The following RRP12 variants were observed in gnomAD, a reference collection of about 807,000 sequenced individuals.
The protein encoded by RRP12 is RRP12-like protein.
A neutral mutation model predicts 157.3 loss-of-function variants in RRP12; 78 were observed. The ratio of observed to expected loss-of-function variants is 0.50; its 90% confidence interval spans 0.41 to 0.60. The LOEUF is 0.60. Ranked by LOEUF, RRP12 falls within the 20% of genes least tolerant of loss-of-function variation. RRP12 has a pLI of 0.00. For synonymous variants in RRP12, 726 were observed against 670.9 expected, an observed-to-expected ratio of 1.08 and a Z score of -1.27; for missense variants, 1,521 against 1,679.9, an observed-to-expected ratio of 0.91 and a Z score of 1.65.
Position 97,388,630 on chromosome 10 carries a change from G to A in RRP12, c.754-6C>T. On this transcript the variant is annotated splice_region_variant and splice_polypyrimidine_tract_variant and intron_variant, in intron 6 of 33. Transcript: ENST00000370992. The stretch of plus-strand genomic sequence containing the variant: ...TGCTGGGCAGCCTTCCGGATCTGAG[G>A]GGCAAGGAGAGCAGGAGACAAGGCC... The A allele has an allele frequency of 6.2e-7, 1 of 1,613,584 alleles. No homozygotes were observed. The highest frequency in any genetic ancestry group is 8.5e-7 in the Non-Finnish European group (1 of 1,179,580).
intron 25 of RRP12, among the ~76,000 whole-genome samples, chr10:97,368,603 CT>C (rs1417295774): frequency 6.6e-6 from 1 of 152,220 alleles, no homozygotes; most frequent in African/African-American, 2.4e-5. Flanking sequence ...AGTGATCTGC[CT>C]GCCTTGGCCT....
intron 24 of RRP12, 98 bp downstream of exon 24, chr10:97,370,069 G>C (rs757560006): frequency 1.0e-4 from 86 of 821,488 alleles, no homozygotes; most frequent in Non-Finnish European, 1.5e-4. Flanking sequence ...ACTTCCTCCA[G>C]GCACCTTTTC....
At chr10:97,380,563 C>G (rs1171736150) in intron 13 of RRP12, among the ~76,000 whole-genome samples, 1 of 152,192 alleles carries the variant, frequency 6.6e-6, no homozygotes, top group African/African-American at 2.4e-5. Flanking sequence ...AGTTTCAAAA[C>G]CAGTAACTCC....
chr10:97,372,160 A>G lies in RRP12; in HGVS notation c.2256T>C (p.Ser752=), dbSNP rs1844175190. Residue 752 remains serine (S), a synonymous_variant, in exon 20 of 34, where the codon TCT becomes TCC. Transcript: ENST00000370992. ...DPASSDFTRL[S]VLDLVVALAP... ...CCAAGGCCACGACCAGGTCCAGGAC[A>G]GACAATCTGCTCGGGGCAGGAGGAC... 6.2e-7 allele frequency: 1 copy of G among 1,612,814 alleles called. No individual in the cohort carries two copies. Among genetic ancestry groups the G allele is most frequent in the Non-Finnish European group, 8.5e-7 (1 of 1,179,330 alleles).
intron 25 of RRP12, 105 bp from the exon 26 acceptor site, chr10:97,367,237 G>T: frequency 1.0e-6 from 1 of 985,338 alleles, no homozygotes; most frequent in Non-Finnish European, 1.6e-6. Flanking sequence ...CCAGCTGAGG[G>T]GAGGGTTAGC....
intron 2 of RRP12, 90 bp downstream of exon 2, chr10:97,400,215 G>A (rs1359730820): frequency 2.2e-6 from 2 of 919,724 alleles, no homozygotes; most frequent in East Asian, 2.4e-5. Flanking sequence ...ACCAGCTGTT[G>A]TCATCGGAGA....
intron 8 of RRP12, among the ~76,000 whole-genome samples, chr10:97,386,611 T>G (rs1420933494): frequency 6.6e-6 from 1 of 152,230 alleles, no homozygotes; most frequent in Non-Finnish European, 1.5e-5. Context: ...CTTTATACAC[T>G]TCTGAATTGT....
chr10:97,362,433 C>G (rs1843869396), intron 30 of RRP12, among the ~76,000 whole-genome samples: 1 of 152,212 alleles, frequency 6.6e-6, no homozygotes, highest in Non-Finnish European at 1.5e-5. Context: ...GCTTACTTTG[C>G]ATCACTAAGT....
At chr10:97,363,526 T>C (rs1233353058) in intron 30 of RRP12, among the ~76,000 whole-genome samples, 1 of 152,198 alleles carries the variant, frequency 6.6e-6, no homozygotes, top group African/African-American at 2.4e-5. Context: ...AGCACAGTGC[T>C]GGGCACACAG....
chr10:97,361,353 C>A (rs145797467), intron 30 of RRP12, among the ~76,000 whole-genome samples: 1 of 152,332 alleles, frequency 6.6e-6, no homozygotes, highest in Admixed American at 6.5e-5. Context: ...AACCAACAAC[C>A]AGGCCAGGCA....
At chr10:97,381,997 G>GTA (rs1564761714) in intron 10 of RRP12, among the ~76,000 whole-genome samples, 171 bp from the exon 11 acceptor site, 2 of 152,202 alleles carry the variant, frequency 1.3e-5, no homozygotes, top group Non-Finnish European at 2.9e-5. Context: ...TATCGTTCAA[G>GTA]TAATAACTAC....
rs80089471 is a variant in RRP12 at position 97,362,373 on chromosome 10, C to G, written c.3567+1481G>C. Among the ~76,000 whole-genome samples, 1,245 of 152,276 alleles carry G rather than the reference C, an allele frequency of 8.2e-3. 18 individuals are homozygous for G. The highest frequency in any genetic ancestry group is 0.028 in the African/African-American group (1,163 of 41,544). Reference sequence around the variant, plus strand: ...AGATGTGCTTAAGGAACCCAGGAGGCTTTGAATGGAAAAAGATTTCCAGGA... The same window carrying G: ...AGATGTGCTTAAGGAACCCAGGAGGGTTTGAATGGAAAAAGATTTCCAGGA... On this transcript the variant is annotated intron_variant, in intron 30 of 33. Transcript: ENST00000370992.
In RRP12 at chr10:97,372,086, C is replaced by T. The variant is rs767537439; in HGVS notation, c.2330G>A (p.Arg777Gln). 1.2e-5 allele frequency: 20 copies of T among 1,612,840 alleles called. No homozygotes were observed. Among genetic ancestry groups the T allele is most frequent in the East Asian group, 6.7e-5 (3 of 44,882 alleles). Residue 777 changes from arginine to glutamine, a missense_variant, in exon 20 of 34, where the codon CGG becomes CAG. Coordinates refer to ENST00000370992, the MANE Select transcript of RRP12 (RefSeq NM_015179.4). ...AAISKLYSTI[R>Q]PYLESKAHGV... ...CCCGAGGCTCACCTCTAGGTAGGGC[C>T]GGATGGTGGAGTATAGCTTACTGAT...
chr10:97,379,309 G>A lies in RRP12; in HGVS notation c.1782C>T (p.Asn594=). ...CTCTCCTACCTTTGCTCTTCAGGGTGTTAGCCAGGGGCAAGAAGTAGGTGG... is the reference window on the plus strand; with the variant it reads ...CTCTCCTACCTTTGCTCTTCAGGGTATTAGCCAGGGGCAAGAAGTAGGTGG... The part of the protein sequence containing the change: ...FFTTYFLPLA[N]TLKSKAMDLA... Residue 594 remains asparagine, a synonymous_variant, in exon 15 of 34, where the codon AAC becomes AAT. Transcript: ENST00000370992. The A allele has an allele frequency of 6.2e-7, 1 of 1,614,084 alleles. No homozygotes were observed. The highest frequency in any genetic ancestry group is 1.3e-5 in the African/African-American group (1 of 75,062).
chr10:97,364,486 AGGAG>A (rs1476240431), intron 29 of RRP12, among the ~76,000 whole-genome samples: 1 of 152,190 alleles, frequency 6.6e-6, no homozygotes, highest in Non-Finnish European at 1.5e-5. Flanking sequence ...TGGGAGGCCG[AGGAG>A]GGAGGATCAC....
chr10:97,400,961 C>A, intron 1 of RRP12, 132 bp downstream of exon 1: 1 of 1,145,288 alleles, frequency 8.7e-7, no homozygotes, highest in Non-Finnish European at 1.2e-6. Flanking sequence ...AGAGAGGGCT[C>A]CAGATCCGAC....
chr10:97,390,735 TAA>T lies in RRP12; in HGVS notation c.636+2_636+3del. 6.3e-7 allele frequency: 1 copy of T among 1,597,456 alleles called. No individual in the cohort carries two copies. Among genetic ancestry groups the T allele is most frequent in the Non-Finnish European group, 8.6e-7 (1 of 1,164,864 alleles). ...AGATGAGAAACTAAACCCCAGACAC[TAA>T]CCCATCGGAGGACAGAGGTGGAGCC... On this transcript the variant is annotated splice_donor_variant and splice_donor_region_variant and intron_variant, in intron 5 of 33. Coordinates refer to ENST00000370992, the MANE Select transcript of RRP12 (RefSeq NM_015179.4). LOFTEE classifies it high-confidence loss of function.
chr10:97,376,554 C>A (rs1379733959), intron 15 of RRP12, among the ~76,000 whole-genome samples: 1 of 152,094 alleles, frequency 6.6e-6, no homozygotes, highest in Non-Finnish European at 1.5e-5. Flanking sequence ...TCTACAAGAT[C>A]ATGTGTGAAA....
chr10:97,366,696 T>A (rs200271269), intron 27 of RRP12, 46 bp downstream of exon 27: 10 of 1,601,786 alleles, frequency 6.2e-6, no homozygotes, highest in Non-Finnish European at 8.5e-6. Context: ...GGGCAGGCCC[T>A]TGGGTTGGGG....
Sources: allele counts gnomAD v4.1 joint callset (sites outside exome capture counted in the v4.1 genomes callset), GRCh38; gene constraint gnomAD v4.1.1; transcripts MANE v1.5; gene names NCBI Gene and HGNC (gene_info 2026-07-23, HGNC 2026-07-21).